The following TPTE variants were observed in gnomAD, a reference collection of about 807,000 sequenced individuals.
The protein encoded by TPTE is transmembrane phosphatase with tensin homology.
In TPTE, 59 loss-of-function variants were observed where a neutral mutation model predicts 84.1. The observed-to-expected ratio is 0.70, with a 90% CI of 0.57 to 0.87. The LOEUF (loss-of-function observed/expected upper bound fraction) is 0.87. TPTE is among the 40% of genes least tolerant of loss of function. The pLI, the probability that TPTE is intolerant of heterozygous loss-of-function variation, is 0.00. For missense variants in TPTE, 382 were observed against 659.6 expected (o/e 0.58, Z 4.61); for synonymous variants, 130 against 223.5 (o/e 0.58, Z 3.73).
At chr21:10,522,057 C>CG (rs2073988158) in intron 1 of TPTE, among the ~76,000 whole-genome samples, 1 of 151,996 alleles carries the variant, frequency 6.6e-6, no homozygotes, top group South Asian at 2.1e-4. Context: ...AAAGGGGGCG[C>CG]GCCCCCCGCC....
intron 3 of TPTE, among the ~76,000 whole-genome samples, chr21:10,537,288 T>C (rs907034691): frequency 3.3e-5 from 5 of 152,298 alleles, no homozygotes; most frequent in African/African-American, 1.2e-4. Flanking sequence ...CATATTGGTG[T>C]TGGACGATAC....
intron 3 of TPTE, 24 bp from the exon 4 acceptor site, chr21:10,538,657 C>G (rs1398842300): frequency 1.2e-6 from 2 of 1,613,818 alleles, no homozygotes; most frequent in Admixed American, 3.3e-5. Context: ...TCCTGTCTGA[C>G]TATATTCTTT....
intron 22 of TPTE, among the ~76,000 whole-genome samples, chr21:10,603,020 A>T (rs1978769939): frequency 6.6e-6 from 1 of 152,310 alleles, no homozygotes; most frequent in Admixed American, 6.5e-5. Flanking sequence ...TGAGTCAAGT[A>T]GGTTATATTT....
intron 15 of TPTE, among the ~76,000 whole-genome samples, 150 bp from the exon 16 acceptor site, chr21:10,578,183 CGCTT>C (rs2075198565): frequency 6.6e-6 from 1 of 152,306 alleles, no homozygotes; most frequent in Non-Finnish European, 1.5e-5. Flanking sequence ...ATTTTTGAAA[CGCTT>C]GCGTTTATTT....
At position 10,605,435 on chromosome 21, in the gene TPTE, T is replaced by C; in HGVS notation, c.1539T>C (p.Asn513=). ...TTCTTAGGCTTTATCTACCAAAAAA[T>C]GAATTGGATAATCTACATAAACAAA... The part of the protein sequence containing the change: ...IENNRLYLPK[N]ELDNLHKQKA... Residue 513 remains asparagine, a synonymous_variant, in exon 24 of 24, where the codon AAT becomes AAC. Coordinates refer to ENST00000618007, the MANE Select transcript of TPTE (RefSeq NM_199261.4). The C allele has an allele frequency of 1.2e-6, 2 of 1,614,044 alleles. No homozygotes were observed. Among genetic ancestry groups the C allele is most frequent in the African/African-American group, 1.3e-5 (1 of 75,084 alleles).
intron 23 of TPTE, 65 bp from the exon 24 acceptor site, chr21:10,605,352 T>C (rs1979151421): frequency 6.3e-7 from 1 of 1,583,222 alleles, no homozygotes; most frequent in Non-Finnish European, 8.6e-7. Context: ...CTAACGTGGG[T>C]ACCCAACTGT....
chr21:10,605,556 T>C lies in TPTE; in HGVS notation c.*4T>C, dbSNP rs757146106. On this transcript the variant is annotated 3_prime_UTR_variant, in exon 24 of 24. Transcript: ENST00000618007. ...TGTTGTAGCTGGATCCGATTAAGTA[T>C]AGCTCCCCCTTCCCCTTCTGGGAAA... 2.5e-6 allele frequency: 4 copies of C among 1,614,056 alleles called. No homozygotes were observed. The highest frequency in any genetic ancestry group is 3.4e-6 in the Non-Finnish European group (4 of 1,179,890).
intron 17 of TPTE, among the ~76,000 whole-genome samples, chr21:10,588,911 T>G (rs973583248): frequency 2.8e-4 from 43 of 152,268 alleles, no homozygotes; most frequent in African/African-American, 9.9e-4. Context: ...CCCGGATTGA[T>G]GTAGAAGTTT....
intron 7 of TPTE, among the ~76,000 whole-genome samples, chr21:10,546,156 CTT>C (rs1220813709): frequency 3.3e-5 from 5 of 152,426 alleles, no homozygotes; most frequent in Admixed American, 3.3e-4. Context: ...CTTTGTGTCT[CTT>C]GTCACATTTT....
chr21:10,568,680 T>C (rs1345144297), intron 11 of TPTE, among the ~76,000 whole-genome samples: 1 of 152,312 alleles, frequency 6.6e-6, no homozygotes, highest in Non-Finnish European at 1.5e-5. Context: ...GTCCTCTGAC[T>C]AGAAACGTCA....
chr21:10,543,059 G>A (rs1231746280), intron 6 of TPTE, among the ~76,000 whole-genome samples: 1 of 98,266 alleles, frequency 1.0e-5, no homozygotes, highest in Non-Finnish European at 1.7e-5. Context: ...GTCTCGCTCT[G>A]TCGCCCAGGC....
intron 6 of TPTE, 103 bp from the exon 7 acceptor site, chr21:10,543,226 G>GT: frequency 1.4e-6 from 2 of 1,427,900 alleles, no homozygotes; most frequent in South Asian, 2.4e-5. Context: ...TAGAGACGGG[G>GT]TTTCACCTTG....
intron 3 of TPTE, among the ~76,000 whole-genome samples, chr21:10,535,712 G>C (rs1157963430): frequency 6.6e-6 from 1 of 152,312 alleles, no homozygotes; most frequent in African/African-American, 2.4e-5. Flanking sequence ...GAGGAGTGAA[G>C]CACTCAGCAA....
chr21:10,525,366 A>G (rs1600847441), intron 2 of TPTE, among the ~76,000 whole-genome samples: 1 of 152,430 alleles, frequency 6.6e-6, no homozygotes, highest in Non-Finnish European at 1.5e-5. Context: ...ACGACACCCA[A>G]GGCTTGATCC....
At chr21:10,591,638 G>C (rs1568766320) in intron 18 of TPTE, among the ~76,000 whole-genome samples, 1 of 152,312 alleles carries the variant, frequency 6.6e-6, no homozygotes, top group African/African-American at 2.4e-5. Context: ...CAGAGCCCTA[G>C]ACTGAGACCC....
chr21:10,603,207 A>T (rs1465276771), intron 22 of TPTE, among the ~76,000 whole-genome samples: 3 of 152,416 alleles, frequency 2.0e-5, no homozygotes, highest in African/African-American at 7.2e-5. Flanking sequence ...CAACAAAAAA[A>T]TTACAAGAAT....
At chr21:10,530,539 G>T (rs1353097021) in intron 3 of TPTE, among the ~76,000 whole-genome samples, 2 of 152,300 alleles carry the variant, frequency 1.3e-5, no homozygotes, top group East Asian at 3.8e-4. Flanking sequence ...TAACTGGTAT[G>T]AAAAATTGCA....
chr21:10,551,577 TGAA>T (rs1338193505), intron 7 of TPTE, among the ~76,000 whole-genome samples: 2 of 152,398 alleles, frequency 1.3e-5, no homozygotes, highest in African/African-American at 4.8e-5. Flanking sequence ...AAATAAATAA[TGAA>T]GACCAAACAG....
intron 10 of TPTE, among the ~76,000 whole-genome samples, chr21:10,561,644 CTCT>C (rs1200156412): frequency 2.0e-5 from 3 of 152,308 alleles, no homozygotes; most frequent in African/African-American, 7.2e-5. Context: ...ATTGATGCTC[CTCT>C]GCCTTTGGAC....
Sources: allele counts gnomAD v4.1 joint callset (sites outside exome capture counted in the v4.1 genomes callset), GRCh38; gene constraint gnomAD v4.1.1; transcripts MANE v1.5; gene names NCBI Gene and HGNC (gene_info 2026-07-23, HGNC 2026-07-21).